The following COBL variants were observed in gnomAD, a reference collection of about 807,000 sequenced individuals.
The protein encoded by COBL is protein cordon-bleu.
A neutral mutation model predicts 98.8 loss-of-function variants in COBL; 51 were observed. The ratio of observed to expected loss-of-function variants is 0.52; its 90% CI spans 0.41 to 0.65. The LOEUF is 0.65. Ranked by LOEUF, COBL falls within the 30% of genes least tolerant of loss-of-function variation. COBL has a pLI of 0.00. For missense variants in COBL, 1,617 were observed against 1,617.5 expected, an observed-to-expected ratio of 1.00 and a Z score of 0.01; for synonymous variants, 634 against 651.7, an observed-to-expected ratio of 0.97 and a Z score of 0.41.
chr7:51,102,961 G>GTT (rs1795938206), intron 6 of COBL, among the ~76,000 whole-genome samples: 1 of 152,214 alleles, frequency 6.6e-6, no homozygotes, highest in Non-Finnish European at 1.5e-5. Context: ...GATGCAGGAT[G>GTT]AATAAGCTCT....
At chr7:51,181,886 G>C (rs1256790302) in intron 5 of COBL, among the ~76,000 whole-genome samples, 1 of 152,240 alleles carries the variant, frequency 6.6e-6, no homozygotes, top group Non-Finnish European at 1.5e-5. Flanking sequence ...CCACGGACGG[G>C]ACTGGATCAC....
intron 5 of COBL, among the ~76,000 whole-genome samples, chr7:51,143,414 A>G (rs1267401196): frequency 6.6e-6 from 1 of 152,226 alleles, no homozygotes; most frequent in African/African-American, 2.4e-5. Flanking sequence ...TAACTGACTT[A>G]TAAGTTCAGT....
At chr7:51,177,967 G>A (rs1339032036) in intron 5 of COBL, among the ~76,000 whole-genome samples, 1 of 152,020 alleles carries the variant, frequency 6.6e-6, no homozygotes, top group South Asian at 2.1e-4. Context: ...CCAATATGGT[G>A]AAACCCGGTC....
At chr7:51,226,673 C>G (rs1794228601) in intron 1 of COBL, among the ~76,000 whole-genome samples, 1 of 152,066 alleles carries the variant, frequency 6.6e-6, no homozygotes, top group African/African-American at 2.4e-5. Context: ...AAACAAATGC[C>G]CAGAAGACAG....
At chr7:51,132,499 T>C (rs897350121) in intron 6 of COBL, among the ~76,000 whole-genome samples, 1 of 152,190 alleles carries the variant, frequency 6.6e-6, no homozygotes, top group Non-Finnish European at 1.5e-5. Flanking sequence ...GGCATCTGTG[T>C]TGACAGCCCC....
At chr7:51,276,977 C>T (rs914103923) in intron 1 of COBL, among the ~76,000 whole-genome samples, 4 of 152,140 alleles carry the variant, frequency 2.6e-5, no homozygotes, top group East Asian at 1.9e-4. Context: ...CTGGGAGCAG[C>T]GAACACACAG....
chr7:51,125,377 G>GA (rs151214066), intron 6 of COBL, among the ~76,000 whole-genome samples: 3,283 of 152,254 alleles, frequency 0.022, 112 homozygotes, highest in African/African-American at 0.075. Flanking sequence ...CCTTGGTCTT[G>GA]AACTTCCAGC....
chr7:51,256,165 C>G (rs1337193675), intron 1 of COBL, among the ~76,000 whole-genome samples: 1 of 152,116 alleles, frequency 6.6e-6, no homozygotes, highest in Non-Finnish European at 1.5e-5. Context: ...TGTTTCCAGG[C>G]GGCCCACCCA....
intron 1 of COBL, among the ~76,000 whole-genome samples, chr7:51,226,909 G>A (rs184831065): frequency 6.6e-6 from 1 of 152,308 alleles, no homozygotes; most frequent in East Asian, 1.9e-4. Flanking sequence ...GGGTGGCTGA[G>A]TATCCAACCA....
At chr7:51,127,631 C>T (rs1336404232) in intron 6 of COBL, among the ~76,000 whole-genome samples, 1 of 152,054 alleles carries the variant, frequency 6.6e-6, no homozygotes, top group African/African-American at 2.4e-5. Flanking sequence ...TCACAATAGG[C>T]CCCAAAAGAC....
chr7:51,260,778 T>A (rs1047497718), intron 1 of COBL, among the ~76,000 whole-genome samples: 1 of 152,102 alleles, frequency 6.6e-6, no homozygotes, highest in African/African-American at 2.4e-5. Flanking sequence ...AGGGCAGCCA[T>A]GGAAAGGATG....
At chr7:51,118,445 T>A (rs1235747224) in intron 6 of COBL, among the ~76,000 whole-genome samples, 1 of 152,008 alleles carries the variant, frequency 6.6e-6, no homozygotes, top group Non-Finnish European at 1.5e-5. Context: ...ACTTGGCCTT[T>A]TACTGACTGT....
rs1042660815 is a variant in COBL, at chr7:51,036,938, T to C, written c.1407-6029A>G. Among the ~76,000 whole-genome samples the C allele has an allele frequency of 8.5e-5, 13 of 152,342 alleles. No individual in the cohort carries two copies. In the East Asian group the frequency reaches 9.6e-4, roughly 11 times the overall value. On this transcript the variant is annotated intron_variant, in intron 8 of 12. Transcript: ENST00000265136. Reference sequence around the variant, plus strand: ...CACAATAATTATACACAGTTAGATATTGCCTGGTTATAGCAAGGTTGCTTT... The same window carrying C: ...CACAATAATTATACACAGTTAGATACTGCCTGGTTATAGCAAGGTTGCTTT...
At chr7:51,018,967 AT>A (rs1164466510) in intron 12 of COBL, among the ~76,000 whole-genome samples, 3 of 115,556 alleles carry the variant, frequency 2.6e-5, no homozygotes, top group South Asian at 3.0e-4. Context: ...TTTTTTTGCA[AT>A]TTTTTTTAAG....
chr7:51,214,272 A>AAAATACAT (rs1554432481), intron 2 of COBL, among the ~76,000 whole-genome samples: 3 of 140,218 alleles, frequency 2.1e-5, no homozygotes, highest in Non-Finnish European at 3.1e-5. Flanking sequence ...TCATCTATTA[A>AAAATACAT]AAATAAATAA....
chr7:51,087,171 C>T (rs956712251), intron 6 of COBL, among the ~76,000 whole-genome samples: 1 of 149,668 alleles, frequency 6.7e-6, no homozygotes, highest in African/African-American at 2.5e-5. Flanking sequence ...CGCACAGACT[C>T]ATACTTTTCC....
At chr7:51,153,958 C>CACA (rs1268861690) in intron 5 of COBL, among the ~76,000 whole-genome samples, 2 of 152,188 alleles carry the variant, frequency 1.3e-5, no homozygotes, top group Non-Finnish European at 2.9e-5. Context: ...GTAGAGACCT[C>CACA]ACAGATGTGT....
Position 51,016,753 on chromosome 7 carries a change from G to A in COBL, c.*798C>T. ...GGCTCCGTACACAGGCACCGTGGGG[G>A]AGGCCTATGTCACTTCATAGCCTGG... On this transcript the variant is annotated 3_prime_UTR_variant, in exon 13 of 13. Transcript: ENST00000265136. The A allele has an allele frequency of 2.5e-6, 1 of 394,326 alleles. No homozygotes were observed. Among genetic ancestry groups the A allele is most frequent in the East Asian group, 3.6e-5 (1 of 27,894 alleles). The allele number at this position is 394,326 out of a possible 1,614,324, so 24.4% of individuals were successfully genotyped here. A position where few individuals can be genotyped will look rare whatever the true frequency, so the allele number is the denominator to read the frequency against.
At chr7:51,234,260 G>T (rs1312482298) in intron 1 of COBL, among the ~76,000 whole-genome samples, 2 of 152,232 alleles carry the variant, frequency 1.3e-5, no homozygotes, top group Admixed American at 6.5e-5. Flanking sequence ...GAGTGGCTCT[G>T]ACAGGCACTG....
Sources: allele counts gnomAD v4.1 joint callset (sites outside exome capture counted in the v4.1 genomes callset), GRCh38; gene constraint gnomAD v4.1.1; transcripts MANE v1.5; gene names NCBI Gene and HGNC (gene_info 2026-07-23, HGNC 2026-07-21).